Variants in KDM5D observed in about 807,000 individuals in gnomAD.
KDM5D encodes the protein lysine-specific demethylase 5D.
Under a neutral mutation model 31.9 loss-of-function variants are expected in KDM5D, and 25 were observed. The ratio of observed to expected loss-of-function variants is 0.78; its 90% CI spans 0.57 to 1.09. The LOEUF is 1.09. KDM5D is among the 50% of genes least tolerant of loss of function. The pLI is 0.00. For missense variants in KDM5D, 366 were observed against 341.6 expected, an observed-to-expected ratio of 1.07 and a Z score of -0.56; for synonymous variants, 146 against 122.3, an observed-to-expected ratio of 1.19 and a Z score of -1.28.
intron 13 of KDM5D, among the ~76,000 whole-genome samples, chrY:19,719,469 G>GA (rs2124192740): frequency 3.0e-5 from 1 of 33,539 alleles, no homozygotes; most frequent in Admixed American, 2.7e-4. Context: ...GCAGAAGAAA[G>GA]AATCAGAAAA....
chrY:19,720,379 T>C, intron 13 of KDM5D, among the ~76,000 whole-genome samples: 1 of 33,465 alleles, frequency 3.0e-5, no homozygotes, highest in South Asian at 6.7e-4. Context: ...ATAAAGCGGT[T>C]AACTCAAAGC....
At chrY:19,730,550 T>C in intron 11 of KDM5D, among the ~76,000 whole-genome samples, 1 of 33,821 alleles carries the variant, frequency 3.0e-5, no homozygotes, top group East Asian at 7.7e-4. Flanking sequence ...ACTTAATTTA[T>C]AGTTTCAATC....
Position 19,741,362 on chromosome Y carries a change from T to C in KDM5D, c.478A>G (p.Ile160Val), listed in dbSNP as rs748291282. 2.5e-6 allele frequency: 1 copy of C among 398,115 alleles called. No individual in the cohort carries two copies. The highest frequency in any genetic ancestry group is 9.2e-5 in the East Asian group (1 of 10,826). Reference protein sequence around the residue: ...GSLLRSHYERIIYPYEMFQSG... With the variant: ...GSLLRSHYERVIYPYEMFQSG... ...TGAAACATTTCATAGGGGTAAATAA[T>C]GCGTTCGTAATGTGATCGTAGCAGG... Residue 160 changes from isoleucine to valine, a missense_variant, in exon 5 of 27, where the codon ATT becomes GTT. By Grantham distance (29) the Ile-to-Val change is conservative. Transcript: ENST00000317961.
intron 8 of KDM5D, among the ~76,000 whole-genome samples, chrY:19,733,540 C>T (rs2045487210): frequency 6.4e-5 from 2 of 31,147 alleles, no homozygotes; most frequent in Non-Finnish European, 1.5e-4. Flanking sequence ...TACATATGCA[C>T]GCATATACAC....
intron 8 of KDM5D, 26 bp from the exon 9 acceptor site, chrY:19,732,768 A>G: frequency 2.9e-6 from 1 of 339,345 alleles, no homozygotes; most frequent in South Asian, 3.4e-5. Context: ...AAAAAGTAAA[A>G]AATTTAGCTG....
Position 19,744,686 on chromosome Y carries a change from C to T in KDM5D, c.-35G>A. 1 of 148,996 alleles carries T rather than the reference C, an allele frequency of 6.7e-6. No homozygotes were observed. The highest frequency in any genetic ancestry group is 1.2e-4 in the East Asian group (1 of 8,387). 37.2% of individuals were successfully genotyped at this position (148,996 alleles called of 400,897 possible). A position where few individuals can be genotyped will look rare whatever the true frequency, so the allele number is the denominator to read the frequency against. On this transcript the variant is annotated 5_prime_UTR_variant, in exon 1 of 27. Coordinates refer to ENST00000317961, the MANE Select transcript of KDM5D (RefSeq NM_004653.5). ...AGCTGCTTACCAATCGTCAGGGATC[C>T]TAGTTTTACAGCCACCATCTTGACC...
At position 19,706,659 on chromosome Y, in the gene KDM5D, G is replaced by A. The variant is rs1342492867; in HGVS notation, c.4070-19C>T. On this transcript the variant is annotated intron_variant, in intron 25 of 26. Transcript: ENST00000317961. Reference sequence around the variant, plus strand: ...TCCAGGTCTGGGCGGAAGGTGGTGCGGTGAAAGGTGCAGGGACAGACTGGG... The same window carrying A: ...TCCAGGTCTGGGCGGAAGGTGGTGCAGTGAAAGGTGCAGGGACAGACTGGG... 1 of 394,329 alleles carries A rather than the reference G, an allele frequency of 2.5e-6. No homozygotes were observed. Among genetic ancestry groups the A allele is most frequent in the Admixed American group, 7.4e-5 (1 of 13,440 alleles).
chrY:19,707,506 G>A lies in KDM5D; in HGVS notation c.3640C>T (p.Leu1214Phe). ...PHLLTSPKPS[L>F]TSSPLLAWWE... ...CAGGCTAGCAGTGGAGATGAAGTGA[G>A]ACTGGGCTTTGGAGAGGTGAGGAGA... The change falls in exon 24 of 27, where the codon CTC becomes TTC. Residue 1214 changes from leucine (L) to phenylalanine (F), a missense_variant. Physicochemically the swap from Leu to Phe is conservative, Grantham distance 22 (BLOSUM62 0). Coordinates refer to ENST00000317961, the MANE Select transcript of KDM5D (RefSeq NM_004653.5). 2.3e-5 allele frequency: 9 copies of A among 394,290 alleles called. No individual in the cohort carries two copies. Among genetic ancestry groups the A allele is most frequent in the Non-Finnish European group, 3.2e-5 (9 of 281,039 alleles).
intron 11 of KDM5D, among the ~76,000 whole-genome samples, chrY:19,726,061 AGAGGATGTG>A (rs2045428834): frequency 1.8e-4 from 6 of 33,696 alleles, no homozygotes; most frequent in African/African-American, 5.8e-4. Context: ...CAGATGCTGG[AGAGGATGTG>A]GACAAACAAC....
chrY:19,712,763 C>A, intron 18 of KDM5D, among the ~76,000 whole-genome samples: 1 of 34,386 alleles, frequency 2.9e-5, no homozygotes, highest in Non-Finnish European at 7.3e-5. Context: ...TGTGTCTTTA[C>A]ATCTTAGATT....
At chrY:19,731,667 G>A in intron 11 of KDM5D, 105 bp downstream of exon 11, 4 of 203,850 alleles carry the variant, frequency 2.0e-5, no homozygotes, top group South Asian at 8.2e-5. Context: ...ATTATTATCC[G>A]AAATATGTGA....
chrY:19,734,662 T>C (rs779381404), intron 8 of KDM5D, among the ~76,000 whole-genome samples: 26 of 32,915 alleles, frequency 7.9e-4, no homozygotes, highest in African/African-American at 3.1e-3. Context: ...GTAAACATGA[T>C]CTCCCAATCA....
In KDM5D at chrY:19,706,279, G is replaced by C; in HGVS notation, c.4336C>G (p.Gln1446Glu). Residue 1446 changes from glutamine (Q) to glutamate (E), a missense_variant, in exon 27 of 27, where the codon CAG (glutamine) becomes GAG (glutamate). Coordinates refer to ENST00000317961, the MANE Select transcript of KDM5D (RefSeq NM_004653.5). Reference sequence around the variant, plus strand: ...ACGTTTCTACCCTGATCCACCTTCTGCCGCCGCCGTCGCCTCTCCAGAGCC... The same window carrying C: ...ACGTTTCTACCCTGATCCACCTTCTCCCGCCGCCGTCGCCTCTCCAGAGCC... The part of the protein sequence containing the change: ...SRALERRRRR[Q>E]KVDQGRNVEN... The C allele has an allele frequency of 2.5e-6, 1 of 395,539 alleles. No individual in the cohort carries two copies. The highest frequency in any genetic ancestry group is 3.5e-6 in the Non-Finnish European group (1 of 282,156).
intron 8 of KDM5D, 38 bp downstream of exon 8, chrY:19,735,314 G>A: frequency 5.4e-6 from 2 of 369,971 alleles, no homozygotes; most frequent in Middle Eastern, 6.2e-4. Context: ...TAATCTTGAC[G>A]GTTCAAAGTA....
chrY:19,742,463 ACT>A (rs2045559552), intron 3 of KDM5D, among the ~76,000 whole-genome samples: 1 of 33,652 alleles, frequency 3.0e-5, no homozygotes, highest in Non-Finnish European at 7.4e-5. Context: ...TAATACCATC[ACT>A]CTGTTGCTGG....
chrY:19,707,926 C>T lies in KDM5D; in HGVS notation c.3399+8G>A. On this transcript the variant is annotated splice_region_variant and intron_variant, in intron 23 of 26. Transcript: ENST00000317961. ...CCATCTTTTCCCCATCTGGGCCATG[C>T]TCCTTACCACAGAGCCTGGGTCTCT... 2.5e-6 allele frequency: 1 copy of T among 397,981 alleles called. No individual in the cohort carries two copies. The highest frequency in any genetic ancestry group is 3.5e-6 in the Non-Finnish European group (1 of 283,150).
intron 2 of KDM5D, among the ~76,000 whole-genome samples, chrY:19,743,818 C>A: frequency 2.9e-5 from 1 of 34,028 alleles, no homozygotes; most frequent in Non-Finnish European, 7.3e-5. Flanking sequence ...ACAGCCCAGG[C>A]TTATTTCAGT....
In KDM5D at chrY:19,716,314, C is replaced by T; in HGVS notation, c.1996G>A (p.Glu666Lys). 2.5e-6 allele frequency: 1 copy of T among 399,082 alleles called. No individual in the cohort carries two copies. Among genetic ancestry groups the T allele is most frequent in the Non-Finnish European group, 3.5e-6 (1 of 283,561 alleles). The change falls in exon 15 of 27, where the codon GAG becomes AAG. Residue 666 changes from glutamate (E) to lysine (K), a missense_variant. Transcript: ENST00000317961. ...VHKEMFIMVQ[E>K]ERRLRKALLE... ...AGGGCCTTTCGTAGACGTCGCTCCT[C>T]CTGAACCATAATGAACATCTCCTTG... is the stretch of plus-strand genomic sequence containing the variant.
In KDM5D at chrY:19,715,348, G is replaced by A; in HGVS notation, c.2486+4C>T. The A allele has an allele frequency of 6.3e-5, 25 of 394,440 alleles. No homozygotes were observed. The highest frequency in any genetic ancestry group is 8.2e-5 in the Non-Finnish European group (23 of 281,977). Reference sequence around the variant, plus strand: ...ACCCTTCTTTGCCTTCTCCTCTCACGTACCTGGCCACCTGACCACTGACCA... The same window carrying A: ...ACCCTTCTTTGCCTTCTCCTCTCACATACCTGGCCACCTGACCACTGACCA... On this transcript the variant is annotated splice_donor_region_variant and intron_variant, in intron 18 of 26. Transcript: ENST00000317961.
Sources: allele counts gnomAD v4.1 joint callset (sites outside exome capture counted in the v4.1 genomes callset), GRCh38; gene constraint gnomAD v4.1.1; transcripts MANE v1.5; gene names NCBI Gene and HGNC (gene_info 2026-07-23, HGNC 2026-07-21).